KIF26B: variants seen among roughly 807,000 people sequenced by gnomAD.
KIF26B encodes the protein kinesin-like protein KIF26B.
A neutral mutation model predicts 151.2 loss-of-function variants in KIF26B; 63 were observed. The ratio of observed to expected loss-of-function variants is 0.42; its 90% CI spans 0.34 to 0.51. The LOEUF is 0.51. Among genes scored for constraint, KIF26B ranks in the 20% least tolerant of loss-of-function variants. The probability of loss-of-function intolerance (pLI) is 0.07; values close to 1 mark genes in which losing one functional copy is unlikely to be tolerated. For missense variants in KIF26B, 2,813 were observed against 2,913.6 expected (o/e 0.97, Z 0.79); for synonymous variants, 1,357 against 1,262.1 (o/e 1.08, Z -1.59).
intron 2 of KIF26B, among the ~76,000 whole-genome samples, chr1:245,313,371 C>T (rs968814648): frequency 2.0e-5 from 3 of 152,220 alleles, no homozygotes; most frequent in African/African-American, 7.2e-5. Context: ...AGAGGGAAAG[C>T]AGACTGAAGA....
chr1:245,256,943 A>G (rs1670547959), intron 2 of KIF26B, among the ~76,000 whole-genome samples: 1 of 152,196 alleles, frequency 6.6e-6, no homozygotes, highest in Admixed American at 6.5e-5. Flanking sequence ...TTCCCTTCCC[A>G]GGTCTTTTTC....
At chr1:245,577,630 C>G (rs540867062) in intron 5 of KIF26B, among the ~76,000 whole-genome samples, 1 of 148,148 alleles carries the variant, frequency 6.8e-6, no homozygotes, top group South Asian at 2.1e-4. Flanking sequence ...ATCCCCTACA[C>G]GGAAGAGCTT....
chr1:245,680,322 A>G (rs2044417151), intron 10 of KIF26B, among the ~76,000 whole-genome samples: 1 of 152,184 alleles, frequency 6.6e-6, no homozygotes, highest in Non-Finnish European at 1.5e-5. Context: ...GCCCACATGA[A>G]GGGCTCACCA....
chr1:245,551,700 C>T (rs868834348), intron 5 of KIF26B, among the ~76,000 whole-genome samples: 3 of 152,138 alleles, frequency 2.0e-5, no homozygotes, highest in South Asian at 2.1e-4. Flanking sequence ...GAATGGATGC[C>T]GGAAGCCCAG....
chr1:245,669,488 C>T (rs1010195056), intron 10 of KIF26B, among the ~76,000 whole-genome samples: 1 of 152,172 alleles, frequency 6.6e-6, no homozygotes, highest in East Asian at 1.9e-4. Flanking sequence ...CAACAACCAT[C>T]ACCACACCCA....
At chr1:245,280,587 G>A (rs1213932137) in intron 2 of KIF26B, among the ~76,000 whole-genome samples, 4 of 137,690 alleles carry the variant, frequency 2.9e-5, no homozygotes, top group African/African-American at 1.1e-4. Context: ...GGGGTCCTTG[G>A]GAAGTTTTCG....
chr1:245,625,403 C>G (rs2043712893), intron 9 of KIF26B, among the ~76,000 whole-genome samples: 1 of 152,122 alleles, frequency 6.6e-6, no homozygotes, highest in Non-Finnish European at 1.5e-5. Context: ...AGTGTTCTGA[C>G]CCAGGAGCAC....
At chr1:245,282,542 A>T (rs1313008636) in intron 2 of KIF26B, among the ~76,000 whole-genome samples, 1 of 152,154 alleles carries the variant, frequency 6.6e-6, no homozygotes, top group Non-Finnish European at 1.5e-5. Context: ...TGTGTAGAAC[A>T]TCATGTGTCC....
chr1:245,512,068 G>A lies in KIF26B; in HGVS notation c.1167-28699G>A, dbSNP rs943328416. Among the ~76,000 whole-genome samples the A allele has an allele frequency of 2.5e-4, 38 of 152,212 alleles. No homozygotes were observed. The highest frequency in any genetic ancestry group is 9.2e-4 in the African/African-American group (38 of 41,528). ...CTTAGGTAAGGTCATCAAAAGAGAT[G>A]GCTGATATTTTTTATGGTCATTTGC... On this transcript the variant is annotated intron_variant, in intron 4 of 14. Transcript: ENST00000407071. This position sits in a 1 kb window ranked among gnomAD's most constrained non-coding sequence, Gnocchi z 4.3.
intron 3 of KIF26B, among the ~76,000 whole-genome samples, chr1:245,397,892 G>T (rs1673889190): frequency 6.6e-6 from 1 of 152,202 alleles, no homozygotes; most frequent in Non-Finnish European, 1.5e-5. Context: ...GCTCTCTAGG[G>T]CATGTGGACG....
In KIF26B at chr1:245,422,709, T is replaced by G. The variant is rs1260138325; in HGVS notation, c.1166+2964T>G. 3.9e-5 allele frequency among the ~76,000 whole-genome samples: 6 copies of G among 152,216 alleles called. No homozygotes were observed. In the East Asian group the frequency reaches 1.2e-3, roughly 29 times the overall value. The stretch of plus-strand genomic sequence containing the variant: ...TGTGCTCACCACTTTCCACTCTTCC[T>G]GCTTGACTGCAATGGAGAGAGAGTC... On this transcript the variant is annotated intron_variant, in intron 4 of 14. Coordinates refer to ENST00000407071, the MANE Select transcript of KIF26B (RefSeq NM_018012.4).
intron 3 of KIF26B, among the ~76,000 whole-genome samples, chr1:245,415,288 G>A (rs990003607): frequency 1.3e-5 from 2 of 152,154 alleles, no homozygotes; most frequent in African/African-American, 4.8e-5. Context: ...TTGGATTGGA[G>A]TGCTTCTTTC....
chr1:245,254,400 A>G lies in KIF26B; in HGVS notation c.465+97717A>G, dbSNP rs983672757. ...GAATTTCCTCATGTTTTACAGGGGG[A>G]GGGTAAAGGCGATTCTATGAAAATT... On this transcript the variant is annotated intron_variant, in intron 2 of 14. Transcript: ENST00000407071. 7.9e-4 allele frequency among the ~76,000 whole-genome samples: 120 copies of G among 151,840 alleles called. 1 individual carries two copies. Among genetic ancestry groups the G allele is most frequent in the Admixed American group, 3.6e-3 (55 of 15,236 alleles).
intron 11 of KIF26B, 62 bp downstream of exon 11, chr1:245,684,457 A>G: frequency 6.8e-7 from 1 of 1,479,410 alleles, no homozygotes; most frequent in East Asian, 2.5e-5. Flanking sequence ...GTGCCCTGGA[A>G]CAGAGTCAGA....
intron 4 of KIF26B, among the ~76,000 whole-genome samples, chr1:245,483,702 CA>C (rs1273629728): frequency 6.6e-6 from 1 of 151,744 alleles, no homozygotes; most frequent in Non-Finnish European, 1.5e-5. Flanking sequence ...GCAGAGGAAG[CA>C]GAAGGTTAAA....
intron 4 of KIF26B, among the ~76,000 whole-genome samples, chr1:245,503,869 A>G (rs898758743): frequency 5.3e-5 from 8 of 152,190 alleles, no homozygotes; most frequent in Admixed American, 6.5e-5. Context: ...TTGATGCCAC[A>G]TGACTCCAGC....
Position 245,703,227 on chromosome 1 carries a change from G to GAATA in KIF26B, c.*626_*629dup, listed in dbSNP as rs2044797319. On this transcript the variant is annotated 3_prime_UTR_variant, in exon 15 of 15. Transcript: ENST00000407071. Reference sequence around the variant, plus strand: ...CTATTTCTTAATCAGTATTGCTTATGAATAAATATTACCTGTCTTTTATGG... The same window carrying GAATA: ...CTATTTCTTAATCAGTATTGCTTATGAATAAATAAATATTACCTGTCTTTTATGG... The GAATA allele has an allele frequency of 1.3e-5, 2 of 152,642 alleles. No individual in the cohort carries two copies. Among genetic ancestry groups the GAATA allele is most frequent in the Admixed American group, 6.5e-5 (1 of 15,272 alleles). 9.5% of individuals were successfully genotyped at this position (152,642 alleles called of 1,614,324 possible).
At chr1:245,429,205 T>C (rs1371931574) in intron 4 of KIF26B, among the ~76,000 whole-genome samples, 1 of 152,202 alleles carries the variant, frequency 6.6e-6, no homozygotes, top group Non-Finnish European at 1.5e-5. Flanking sequence ...CTTGGTAAAC[T>C]TCATCCAAAT....
At chr1:245,250,136 G>C (rs1670415677) in intron 2 of KIF26B, among the ~76,000 whole-genome samples, 1 of 152,012 alleles carries the variant, frequency 6.6e-6, no homozygotes, top group South Asian at 2.1e-4. Flanking sequence ...ATTGTCGAAG[G>C]CTTCTTATTT....
Sources: gnomAD v4.1 joint callset for allele counts (sites outside exome capture counted in the v4.1 genomes callset) on GRCh38, gnomAD v4.1.1 for gene constraint, Gnocchi (gnomAD v3.1) non-coding constraint, MANE v1.5 for transcripts, NCBI Gene and HGNC (gene_info 2026-07-23, HGNC 2026-07-21) for gene names.